XPO7: variants seen among roughly 807,000 people sequenced by gnomAD.
XPO7 encodes the protein exportin 7, also known as exportin-7.
XPO7 carries 21 observed loss-of-function variants against 144.3 expected under a neutral mutation model. The ratio of observed to expected loss-of-function variants is 0.15; its 90% confidence interval spans 0.10 to 0.21. The LOEUF (loss-of-function observed/expected upper bound fraction) is 0.21, where lower values mean the gene tolerates loss of function less well. Ranked by LOEUF, XPO7 falls within the 10% of genes least tolerant of loss-of-function variation. The pLI is 1.00. For synonymous variants in XPO7, 580 were observed against 499.6 expected (o/e 1.16, Z -2.15); for missense variants, 808 against 1,325.8 (o/e 0.61, Z 6.06).
At position 21,994,570 on chromosome 8, in the gene XPO7, G is replaced by C. The variant is rs1182765773; in HGVS notation, c.2237+119G>C. 3.2e-6 allele frequency: 3 copies of C among 934,636 alleles called. No homozygotes were observed. The Admixed American group carries it at 6.6e-5, about 20-fold the overall frequency. The allele number at this position is 934,636 out of a possible 1,614,324, so 57.9% of individuals were successfully genotyped here. A position where few individuals can be genotyped will look rare whatever the true frequency, so the allele number is the denominator to read the frequency against. ...GGTAGTGAGGCAGAGAAGATGAAGA[G>C]TTAGCCAGAAGGCCTGCATGTGTCC... On this transcript the variant is annotated intron_variant, in intron 20 of 27. Transcript: ENST00000252512.
chr8:21,972,424 C>G (rs1044600068), intron 5 of XPO7, among the ~76,000 whole-genome samples: 1 of 152,068 alleles, frequency 6.6e-6, no homozygotes, highest in African/African-American at 2.4e-5. Context: ...TTGCAGCGAG[C>G]CAAGATCGCG....
intron 2 of XPO7, among the ~76,000 whole-genome samples, chr8:21,968,772 A>G (rs180793688): frequency 2.0e-5 from 3 of 152,324 alleles, no homozygotes; most frequent in Admixed American, 1.3e-4. Flanking sequence ...GGCATTGTAT[A>G]TAATATAGCC....
rs117385473 is a variant in XPO7, at chr8:21,943,341, G to C, written c.19-23516G>C. On this transcript the variant is annotated intron_variant, in intron 1 of 27. Coordinates refer to ENST00000252512, the MANE Select transcript of XPO7 (RefSeq NM_015024.5). ...TATGGCAGTTCCTTTTGAGTGTCAT[G>C]AATTAAATAAAATATTTGGGACTGT... Among the ~76,000 whole-genome samples the C allele has an allele frequency of 7.3e-3, 1,106 of 152,240 alleles. 3 individuals are homozygous for C. Among genetic ancestry groups the C allele is most frequent in the Middle Eastern group, 0.024 (7 of 294 alleles).
chr8:21,938,193 T>C (rs904074098), intron 1 of XPO7, among the ~76,000 whole-genome samples: 2 of 152,176 alleles, frequency 1.3e-5, no homozygotes, highest in Non-Finnish European at 2.9e-5. Flanking sequence ...CCAGTTACAT[T>C]CAAATTAGCA....
chr8:21,960,296 T>G (rs117136361), intron 1 of XPO7, among the ~76,000 whole-genome samples: 3,668 of 152,306 alleles, frequency 0.024, 63 homozygotes, highest in South Asian at 0.081. Context: ...TTTCAGGGCG[T>G]CAGATTGAAA....
chr8:21,932,690 T>G (rs1279291905), intron 1 of XPO7, among the ~76,000 whole-genome samples: 2 of 152,224 alleles, frequency 1.3e-5, no homozygotes, highest in Non-Finnish European at 2.9e-5. Context: ...TTCTTATCTC[T>G]TCTTTTATTA....
intron 1 of XPO7, among the ~76,000 whole-genome samples, chr8:21,933,284 T>C (rs1810715300): frequency 6.6e-6 from 1 of 151,976 alleles, no homozygotes; most frequent in Non-Finnish European, 1.5e-5. Context: ...CTCTTTTTAG[T>C]AGAGATGGGG....
At chr8:21,990,681 A>G (rs1315328886) in intron 17 of XPO7, 130 bp from the exon 18 acceptor site, 3 of 973,124 alleles carry the variant, frequency 3.1e-6, no homozygotes, top group Non-Finnish European at 4.6e-6. Context: ...AAAAAAAAAA[A>G]CCTTCAGATC....
intron 1 of XPO7, among the ~76,000 whole-genome samples, chr8:21,941,823 C>T (rs368693903): frequency 7.2e-5 from 11 of 152,306 alleles, no homozygotes; most frequent in Admixed American, 1.3e-4. Context: ...GGACTACTGG[C>T]GCATGCCACC....
chr8:21,959,169 A>G (rs768539284), intron 1 of XPO7, among the ~76,000 whole-genome samples: 2 of 152,328 alleles, frequency 1.3e-5, no homozygotes, highest in South Asian at 2.1e-4. Context: ...ACGAGGATCA[A>G]TTATATATTT....
chr8:21,990,195 C>A, intron 16 of XPO7, 149 bp from the exon 17 acceptor site: 1 of 733,346 alleles, frequency 1.4e-6, no homozygotes, highest in Non-Finnish European at 2.3e-6. Flanking sequence ...GAAGAGAATG[C>A]ATTTTTTCAT....
chr8:21,995,663 C>G, intron 21 of XPO7, 64 bp downstream of exon 21: 7 of 1,308,092 alleles, frequency 5.4e-6, no homozygotes, highest in Admixed American at 2.1e-5. Flanking sequence ...TTTGCTGTAT[C>G]TAGTGCTTTG....
intron 1 of XPO7, chr8:21,921,570 C>T (rs1810288937): frequency 1.3e-5 from 2 of 152,168 alleles, no homozygotes; most frequent in African/African-American, 4.8e-5. Flanking sequence ...GTTGTCATTC[C>T]TGTGAAAGTC....
rs761782919 is a variant in XPO7, at chr8:21,984,816, C to T, written c.1448C>T (p.Pro483Leu). 1 of 1,613,902 alleles carries T rather than the reference C, an allele frequency of 6.2e-7. No homozygotes were observed. The highest frequency in any genetic ancestry group is 8.5e-7 in the Non-Finnish European group (1 of 1,179,894). ...QELLQSASASPMDIAVQEGRL... is the reference protein window; with the variant it reads ...QELLQSASASLMDIAVQEGRL... ...CTGCTACAGAGCGCCAGCGCAAGCC[C>T]AATGGACATTGCAGTGCAGGAGGGT... Residue 483 changes from proline (P) to leucine (L), a missense_variant, in exon 12 of 28, where the codon CCA becomes CTA. Transcript: ENST00000252512.
chr8:21,920,198 C>T (rs938310561), intron 1 of XPO7, among the ~76,000 whole-genome samples: 2 of 151,742 alleles, frequency 1.3e-5, no homozygotes, highest in African/African-American at 4.8e-5. Context: ...GCCCGCCATC[C>T]CTCAGCAGAT....
intron 5 of XPO7, 46 bp downstream of exon 5, chr8:21,971,987 C>T (rs1351468865): frequency 6.3e-7 from 1 of 1,583,910 alleles, no homozygotes; most frequent in Admixed American, 1.7e-5. Flanking sequence ...CATATTTTTT[C>T]TTAGTATTGG....
intron 1 of XPO7, among the ~76,000 whole-genome samples, chr8:21,925,044 G>GT (rs1810414389): frequency 1.3e-5 from 2 of 152,196 alleles, no homozygotes; most frequent in Non-Finnish European, 2.9e-5. Context: ...AGTGAGACTG[G>GT]TTTTGTCGAC....
At chr8:21,980,757 A>T (rs1268753559) in intron 9 of XPO7, among the ~76,000 whole-genome samples, 1 of 151,696 alleles carries the variant, frequency 6.6e-6, no homozygotes, top group African/African-American at 2.4e-5. Context: ...CTTGGGCGAC[A>T]GAGTAAGACT....
At chr8:21,939,225 C>CT (rs11436869) in intron 1 of XPO7, among the ~76,000 whole-genome samples, 81,191 of 142,562 alleles carry the variant, frequency 0.57, 23,137 homozygotes, top group African/African-American at 0.66. Flanking sequence ...TTTTTCTTTT[C>CT]TTTTTTTTTT....
Sources: gnomAD v4.1 joint callset for allele counts (sites outside exome capture counted in the v4.1 genomes callset) on GRCh38, gnomAD v4.1.1 for gene constraint, MANE v1.5 for transcripts, NCBI Gene and HGNC (gene_info 2026-07-23, HGNC 2026-07-21) for gene names.